The following UBN1 variants were observed in gnomAD, a reference collection of about 807,000 sequenced individuals.
UBN1 encodes ubinuclein 1.
In UBN1, 17 loss-of-function variants were observed where a neutral mutation model predicts 108.5. The ratio of observed to expected loss-of-function variants is 0.16; its 90% confidence interval spans 0.11 to 0.24. The LOEUF (loss-of-function observed/expected upper bound fraction) is 0.24. UBN1 is among the 10% of genes least tolerant of loss of function. The probability of loss-of-function intolerance (pLI) is 1.00; values close to 1 mark genes in which losing one functional copy is unlikely to be tolerated. For missense variants in UBN1, 1,595 were observed against 1,394.4 expected (o/e 1.14, Z -2.29); for synonymous variants, 726 against 564.2 (o/e 1.29, Z -4.07).
At chr16:4,867,384 A>C (rs1248897312) in intron 7 of UBN1, among the ~76,000 whole-genome samples, 1 of 150,086 alleles carries the variant, frequency 6.7e-6, no homozygotes, top group African/African-American at 2.4e-5. Context: ...GAGGGATGCT[A>C]AATCTGTGTA....
In UBN1 at chr16:4,874,244, G is replaced by A. The variant is rs751802067; in HGVS notation, c.1834G>A (p.Val612Ile). 1.3e-6 allele frequency: 2 copies of A among 1,570,818 alleles called. No individual in the cohort carries two copies. The highest frequency in any genetic ancestry group is 1.7e-6 in the Non-Finnish European group (2 of 1,159,386). ...SSTKPDKKVS[V>I]PSGQIGGPIA... The stretch of plus-strand genomic sequence containing the variant: ...TACGAAGCCTGATAAAAAGGTTTCT[G>A]TCCCATCAGGACAGATTGGTGGCCC... Residue 612 changes from valine (V) to isoleucine (I), a missense_variant, in exon 15 of 18, where the codon GTC (valine) becomes ATC (isoleucine). Physicochemically the swap from Val to Ile is conservative, Grantham distance 29. This residue lies in a region of UBN1 where 1,398 missense variants were observed against 1,194.7 expected (regional missense o/e 1.17). Transcript: ENST00000262376.
chr16:4,879,972 T>A, intron 17 of UBN1, 111 bp from the exon 18 acceptor site: 1 of 1,153,070 alleles, frequency 8.7e-7, no homozygotes, highest in South Asian at 1.3e-5. Flanking sequence ...ACACTCAGCA[T>A]TTGGGGACTT....
chr16:4,857,596 G>A (rs536737628), intron 2 of UBN1, among the ~76,000 whole-genome samples: 2 of 151,910 alleles, frequency 1.3e-5, no homozygotes, highest in African/African-American at 4.8e-5. Context: ...TTGAGCCCTT[G>A]ACTATTTTGG....
At chr16:4,849,400 A>T (rs1158123747) in intron 1 of UBN1, among the ~76,000 whole-genome samples, 1 of 152,192 alleles carries the variant, frequency 6.6e-6, no homozygotes, top group Non-Finnish European at 1.5e-5. Flanking sequence ...AAGGGTACTC[A>T]TTATAAGTTG....
At position 4,877,380 on chromosome 16, in the gene UBN1, C is replaced by T. The variant is rs372442187; in HGVS notation, c.3266-5C>T. On this transcript the variant is annotated splice_polypyrimidine_tract_variant and splice_region_variant and intron_variant, in intron 16 of 17. Coordinates refer to ENST00000262376, the MANE Select transcript of UBN1 (RefSeq NM_001079514.3). The surrounding 1 kb of genome is among the most constrained non-coding windows in gnomAD (Gnocchi z 4.3). ...GTTCTTTTCTCCCCTCCTGTTTTCTCTCAGGTCTTCTGGCTGGCTTGCACT... is the reference window on the plus strand; with the variant it reads ...GTTCTTTTCTCCCCTCCTGTTTTCTTTCAGGTCTTCTGGCTGGCTTGCACT... 2 of 1,609,040 alleles carry T rather than the reference C, an allele frequency of 1.2e-6. No homozygotes were observed. The highest frequency in any genetic ancestry group is 2.2e-5 in the South Asian group (2 of 90,700).
At chr16:4,855,053 C>A (rs553342818) in intron 2 of UBN1, among the ~76,000 whole-genome samples, 1 of 152,146 alleles carries the variant, frequency 6.6e-6, no homozygotes. Flanking sequence ...CCTGTGTCTG[C>A]CTTTGCACTG....
chr16:4,863,111 T>C (rs2087149610), intron 7 of UBN1, among the ~76,000 whole-genome samples: 1 of 152,206 alleles, frequency 6.6e-6, no homozygotes, highest in South Asian at 2.1e-4. Flanking sequence ...AAAAACAATT[T>C]CTAGTTGGAT....
At chr16:4,857,134 G>A (rs1396408939) in intron 2 of UBN1, among the ~76,000 whole-genome samples, 1 of 151,916 alleles carries the variant, frequency 6.6e-6, no homozygotes, top group Non-Finnish European at 1.5e-5. Flanking sequence ...TTGAGCCCAG[G>A]AGCTTGAGAC....
Position 4,875,121 on chromosome 16 carries a change from T to G in UBN1, c.2711T>G (p.Phe904Cys). The change falls in exon 15 of 18, where the codon TTT (phenylalanine) becomes TGT (cysteine). Residue 904 changes from phenylalanine (F) to cysteine (C), a missense_variant. By Grantham distance (205) the Phe-to-Cys change is radical. Around this residue, in one of 3 missense-constraint regions of UBN1, gnomAD observed 1,398 missense variants for 1,194.7 expected, o/e 1.17. Transcript: ENST00000262376. ...GGCTCATCTTACAAGAATAATCCCTTTGCCAGCTCAATCTCCAAACATGGG... is the reference window on the plus strand; with the variant it reads ...GGCTCATCTTACAAGAATAATCCCTGTGCCAGCTCAATCTCCAAACATGGG... ...SAGSSYKNNP[F>C]ASSISKHGVS... is the part of the protein sequence containing the mutation. The G allele has an allele frequency of 6.2e-7, 1 of 1,614,208 alleles. No homozygotes were observed. Among genetic ancestry groups the G allele is most frequent in the Non-Finnish European group, 8.5e-7 (1 of 1,180,040 alleles).
chr16:4,876,723 C>T (rs1234647072), intron 15 of UBN1, 148 bp from the exon 16 acceptor site: 42 of 1,215,436 alleles, frequency 3.5e-5, no homozygotes, highest in Non-Finnish European at 4.1e-5. Flanking sequence ...GCTGCAGGGT[C>T]GGAGGGTGCC....
Position 4,874,977 on chromosome 16 carries a change from C to T in UBN1, c.2567C>T (p.Pro856Leu), listed in dbSNP as rs372543656. Residue 856 changes from proline (P) to leucine (L), a missense_variant, in exon 15 of 18, where the codon CCC (proline) becomes CTC (leucine). Physicochemically the swap from Pro to Leu is moderately conservative, Grantham distance 98. Coordinates refer to ENST00000262376, the MANE Select transcript of UBN1 (RefSeq NM_001079514.3). The stretch of plus-strand genomic sequence containing the variant: ...GCGGCCAAAGGCCAGGGCTTCCATC[C>T]CTCTGCACCAGCCACCTCAGGAGGC... ...KTAAKGQGFHPSAPATSGGLS... is the reference protein window; with the variant it reads ...KTAAKGQGFHLSAPATSGGLS... 4.3e-6 allele frequency: 7 copies of T among 1,614,050 alleles called. No individual in the cohort carries two copies. The highest frequency in any genetic ancestry group is 1.6e-4 in the Middle Eastern group (1 of 6,084).
chr16:4,880,742 C>T lies in UBN1; in HGVS notation c.*610C>T, dbSNP rs1437910980. The T allele has an allele frequency of 6.6e-6, 1 of 152,504 alleles. No homozygotes were observed. Among genetic ancestry groups the T allele is most frequent in the Non-Finnish European group, 1.5e-5 (1 of 68,276 alleles). 9.4% of individuals were successfully genotyped at this position (152,504 alleles called of 1,614,324 possible). On this transcript the variant is annotated 3_prime_UTR_variant, in exon 18 of 18. Coordinates refer to ENST00000262376, the MANE Select transcript of UBN1 (RefSeq NM_001079514.3). Reference sequence around the variant, plus strand: ...CAATGAAGCTCTTTTAGAGAAAAGACCTTTGTAGATTCAACAATTATGATA... The same window carrying T: ...CAATGAAGCTCTTTTAGAGAAAAGATCTTTGTAGATTCAACAATTATGATA...
Position 4,874,912 on chromosome 16 carries a change from C to T in UBN1, c.2502C>T (p.Pro834=). ...ANKLQGPKAS[P]TQCHRSLLQL... ...AGCTCCAAGGCCCAAAGGCTTCTCC[C>T]ACACAGTGTCATCGTTCCCTCCTGC... The change falls in exon 15 of 18, where the codon CCC becomes CCT. Residue 834 remains proline, a synonymous_variant. Coordinates refer to ENST00000262376, the MANE Select transcript of UBN1 (RefSeq NM_001079514.3). 1 of 1,614,186 alleles carries T rather than the reference C, an allele frequency of 6.2e-7. No homozygotes were observed. Among genetic ancestry groups the T allele is most frequent in the Non-Finnish European group, 8.5e-7 (1 of 1,180,026 alleles).
In UBN1 at chr16:4,872,949, A is replaced by G. The variant is rs372305323; in HGVS notation, c.1757+15A>G. The stretch of plus-strand genomic sequence containing the variant: ...ACTTCAATCCTGTGAGTGTCTTGGT[A>G]TTTTCACATCTCGGGACAAGTGTTG... On this transcript the variant is annotated intron_variant, in intron 13 of 17. Coordinates refer to ENST00000262376, the MANE Select transcript of UBN1 (RefSeq NM_001079514.3). The G allele has an allele frequency of 6.2e-7, 1 of 1,614,170 alleles. No homozygotes were observed. Among genetic ancestry groups the G allele is most frequent in the South Asian group, 1.1e-5 (1 of 91,078 alleles).
intron 9 of UBN1, 58 bp from the exon 10 acceptor site, chr16:4,870,458 G>A (rs953461615): frequency 8.7e-5 from 140 of 1,612,146 alleles, no homozygotes; most frequent in Non-Finnish European, 8.6e-5. Flanking sequence ...CCCATCATGC[G>A]TCCTGAGCGT....
In UBN1 at chr16:4,868,860, A is replaced by G. The variant is rs762772378; in HGVS notation, c.1138A>G (p.Arg380Gly). Residue 380 changes from arginine (R) to glycine (G), a missense_variant, in exon 8 of 18, where the codon AGA becomes GGA. Transcript: ENST00000262376. ...QAARAAEGES[R>G]QKFFTQDING... ...TGCCAGAGCTGCTGAGGGGGAGAGC[A>G]GACAGAAGTTCTTCACCCAGGATAT... 2.5e-6 allele frequency: 4 copies of G among 1,613,936 alleles called. No individual in the cohort carries two copies. The highest frequency in any genetic ancestry group is 1.3e-5 in the African/African-American group (1 of 75,030).
chr16:4,850,096 TG>T (rs1383457370), intron 1 of UBN1, among the ~76,000 whole-genome samples: 1 of 152,214 alleles, frequency 6.6e-6, no homozygotes, highest in Non-Finnish European at 1.5e-5. Flanking sequence ...TTTTGAATTA[TG>T]ATTGTAAGTC....
rs1301404217 is a variant in UBN1 at position 4,874,193 on chromosome 16, A to C, written c.1801-18A>C. ...TCTTTGGACCTTTCTAAACATCAAC[A>C]TTTCTGTTTTCCTTTAGGAATCGTC... is the stretch of plus-strand genomic sequence containing the variant. On this transcript the variant is annotated intron_variant, in intron 14 of 17. Transcript: ENST00000262376. The C allele has an allele frequency of 6.5e-7, 1 of 1,529,388 alleles. No individual in the cohort carries two copies. Among genetic ancestry groups the C allele is most frequent in the Admixed American group, 2.1e-5 (1 of 47,056 alleles). The allele number at this position is 1,529,388 out of a possible 1,614,324, so 94.7% of individuals were successfully genotyped here.
intron 2 of UBN1, among the ~76,000 whole-genome samples, chr16:4,854,772 G>A (rs1452466528): frequency 6.6e-6 from 1 of 151,678 alleles, no homozygotes; most frequent in Non-Finnish European, 1.5e-5. Flanking sequence ...GCCCAGGCTG[G>A]CATGCAGTGG....
Sources: allele counts gnomAD v4.1 joint callset (sites outside exome capture counted in the v4.1 genomes callset), GRCh38; gene constraint gnomAD v4.1.1; regional missense constraint gnomAD v4.1.1; non-coding constraint Gnocchi (gnomAD v3.1); transcripts MANE v1.5; gene names NCBI Gene and HGNC (gene_info 2026-07-23, HGNC 2026-07-21).